The following RGS6 variants were observed in gnomAD, a reference collection of about 807,000 sequenced individuals.
RGS6 encodes the protein regulator of G-protein signaling 6.
A neutral mutation model predicts 78.5 loss-of-function variants in RGS6; 30 were observed. That is an observed-to-expected ratio of 0.38 (90% CI 0.29 to 0.52). RGS6 has a LOEUF of 0.52. RGS6 is among the 20% of genes least tolerant of loss of function. RGS6 has a pLI of 0.85. For synonymous variants in RGS6, 206 were observed against 206.0 expected (o/e 1.00, Z 0.00); for missense variants, 495 against 609.7 (o/e 0.81, Z 1.98).
chr14:72,321,106 GAAAAT>G (rs1391569955), intron 2 of RGS6, among the ~76,000 whole-genome samples: 6 of 151,654 alleles, frequency 4.0e-5, no homozygotes, highest in Non-Finnish European at 8.8e-5. Context: ...AGAAGGAAGA[GAAAAT>G]AAAGAACAAT....
At chr14:72,385,514 A>G (rs2087676513) in intron 3 of RGS6, among the ~76,000 whole-genome samples, 1 of 152,206 alleles carries the variant, frequency 6.6e-6, no homozygotes, top group African/African-American at 2.4e-5. Flanking sequence ...ATAGTAGGGA[A>G]TGGGGCTGGT....
In RGS6 at chr14:71,967,189, G is replaced by GTATATATATATATA. The variant is rs10571406; in HGVS notation, c.84+2322_84+2335dup. Reference sequence around the variant, plus strand: ...TTCGTGTGACAAACTTGTGTAAAGAGTATATATATATATATATATATGTTC... The same window carrying GTATATATATATATA: ...TTCGTGTGACAAACTTGTGTAAAGAGTATATATATATATATATATATATATATATATATATGTTC... On this transcript the variant is annotated intron_variant, in intron 2 of 17. Coordinates refer to ENST00000553525, the MANE Select transcript of RGS6 (RefSeq NM_001204424.2). Among the ~76,000 whole-genome samples the GTATATATATATATA allele has an allele frequency of 8.2e-4, 120 of 145,858 alleles. 1 individual carries two copies. Among genetic ancestry groups the GTATATATATATATA allele is most frequent in the Middle Eastern group, 3.6e-3 (1 of 280 alleles).
the RGS6 span, among the ~76,000 whole-genome samples, chr14:71,868,391 A>G: frequency 1.3e-5 from 2 of 152,208 alleles, no homozygotes; most frequent in Non-Finnish European, 1.5e-5. Flanking sequence ...GGGAAGAAGT[A>G]TTAGACAGAG....
chr14:72,627,284 T>C, the RGS6 span, among the ~76,000 whole-genome samples: 1 of 152,140 alleles, frequency 6.6e-6, no homozygotes, highest in Non-Finnish European at 1.5e-5. Context: ...GTGGTTTTAC[T>C]TTGTACATTT....
chr14:72,505,840 G>T (rs1202668362), intron 13 of RGS6, among the ~76,000 whole-genome samples: 1 of 152,182 alleles, frequency 6.6e-6, no homozygotes, highest in African/African-American at 2.4e-5. Flanking sequence ...GCACTATGAA[G>T]CTCCTGCAGA....
chr14:72,082,983 T>C (rs1294680101), intron 2 of RGS6, among the ~76,000 whole-genome samples: 1 of 152,150 alleles, frequency 6.6e-6, no homozygotes, highest in African/African-American at 2.4e-5. Flanking sequence ...TGTAATCACA[T>C]GGTGGGTATA....
intron 2 of RGS6, among the ~76,000 whole-genome samples, chr14:72,214,177 A>ATT (rs35022655): frequency 2.7e-4 from 36 of 131,234 alleles, no homozygotes; most frequent in East Asian, 1.8e-3. Flanking sequence ...TTATTTTCTT[A>ATT]TTTTTTTTTT....
chr14:72,201,034 T>C lies in RGS6; in HGVS notation c.85-151061T>C, dbSNP rs561343041. On this transcript the variant is annotated intron_variant, in intron 2 of 17. Transcript: ENST00000553525. ...TGTGTTGGGCGTAACCACAGCCTTC[T>C]TAGCCAGCCTGAGTTGGCATTGCTC... Among the ~76,000 whole-genome samples the C allele has an allele frequency of 9.9e-5, 15 of 151,892 alleles. No individual in the cohort carries two copies. In the South Asian group the frequency reaches 1.3e-3, roughly 13 times the overall value.
chr14:72,016,129 A>G (rs1388021474), intron 2 of RGS6, among the ~76,000 whole-genome samples: 1 of 152,210 alleles, frequency 6.6e-6, no homozygotes, highest in Non-Finnish European at 1.5e-5. Context: ...ATACTGCTCT[A>G]TCCCAATGTC....
At chr14:72,298,641 G>T (rs1398161531) in intron 2 of RGS6, among the ~76,000 whole-genome samples, 2 of 151,694 alleles carry the variant, frequency 1.3e-5, no homozygotes, top group African/African-American at 2.4e-5. Context: ...GTAGAGACGG[G>T]GTTTCACCGT....
chr14:71,922,881 C>CAAAAT, the RGS6 span, among the ~76,000 whole-genome samples: 37 of 145,492 alleles, frequency 2.5e-4, no homozygotes, highest in African/African-American at 8.5e-4. Context: ...CAAAACAAAA[C>CAAAAT]AAAACAAAAA....
chr14:72,282,851 C>G (rs2061820307), intron 2 of RGS6, among the ~76,000 whole-genome samples: 1 of 152,152 alleles, frequency 6.6e-6, no homozygotes, highest in Non-Finnish European at 1.5e-5. Flanking sequence ...ATTATAGGGA[C>G]TGTGTTGTAC....
chr14:72,595,737 G>A, the RGS6 span, among the ~76,000 whole-genome samples: 19 of 152,282 alleles, frequency 1.2e-4, no homozygotes, highest in African/African-American at 4.3e-4. Flanking sequence ...TTCTTTAAAG[G>A]TTACTCTGGT....
chr14:72,563,090 T>C lies in RGS6; in HGVS notation c.*623T>C. 2.7e-6 allele frequency: 1 copy of C among 376,414 alleles called. No homozygotes were observed. The highest frequency in any genetic ancestry group is 2.7e-5 in the South Asian group (1 of 36,610). 23.3% of individuals were successfully genotyped at this position (376,414 alleles called of 1,614,324 possible). ...ACGGATTGCCCCGCCTCAAGGTCTT[T>C]CCACCCTCTTTGAGATCAGCGTTCG... On this transcript the variant is annotated 3_prime_UTR_variant, in exon 18 of 18. Coordinates refer to ENST00000553525, the MANE Select transcript of RGS6 (RefSeq NM_001204424.2).
In RGS6 at chr14:72,295,419, C is replaced by A. The variant is rs76271794; in HGVS notation, c.85-56676C>A. Among the ~76,000 whole-genome samples the A allele has an allele frequency of 7.5e-3, 1,141 of 152,178 alleles. 4 individuals are homozygous for A. The highest frequency in any genetic ancestry group is 0.02 in the Middle Eastern group (6 of 294). On this transcript the variant is annotated intron_variant, in intron 2 of 17. Transcript: ENST00000553525. Reference sequence around the variant, plus strand: ...AAAGACAAGGAGTGCCCTCAGTAACCCCCTCCCCAGATCCGGCTGGCCCAG... The same window carrying A: ...AAAGACAAGGAGTGCCCTCAGTAACACCCTCCCCAGATCCGGCTGGCCCAG...
chr14:72,032,795 T>C (rs2091108663), intron 2 of RGS6, among the ~76,000 whole-genome samples: 1 of 152,202 alleles, frequency 6.6e-6, no homozygotes, highest in African/African-American at 2.4e-5. Flanking sequence ...TCCTTCTTTT[T>C]AAGGCTGAAT....
At chr14:71,957,556 T>A (rs1446615601) in intron 1 of RGS6, among the ~76,000 whole-genome samples, 1 of 116,560 alleles carries the variant, frequency 8.6e-6, no homozygotes, top group Non-Finnish European at 2.1e-5. Flanking sequence ...GTGGGATGAG[T>A]CTGTGGGGAG....
chr14:71,944,992 A>AGT (rs1407279036), intron 1 of RGS6, among the ~76,000 whole-genome samples: 9 of 152,334 alleles, frequency 5.9e-5, no homozygotes, highest in Middle Eastern at 3.4e-3. Flanking sequence ...GAAAAGATAC[A>AGT]GTAACAATAT....
At chr14:72,228,495 C>T (rs1488826954) in intron 2 of RGS6, among the ~76,000 whole-genome samples, 1 of 152,130 alleles carries the variant, frequency 6.6e-6, no homozygotes, top group Non-Finnish European at 1.5e-5. Context: ...TCAAGGAATG[C>T]CATTAGATTT....
Sources: gnomAD v4.1 joint callset for allele counts (sites outside exome capture counted in the v4.1 genomes callset) on GRCh38, gnomAD v4.1.1 for gene constraint, MANE v1.5 for transcripts, NCBI Gene and HGNC (gene_info 2026-07-23, HGNC 2026-07-21) for gene names.